Variants in EPB41L5 observed in about 807,000 individuals in gnomAD.
The protein encoded by EPB41L5 is band 4.1-like protein 5.
Under a neutral mutation model 106.6 loss-of-function variants are expected in EPB41L5, and 55 were observed. That is an observed-to-expected ratio of 0.52 (90% confidence interval 0.42 to 0.65). The LOEUF (loss-of-function observed/expected upper bound fraction) is 0.65. Among genes scored for constraint, EPB41L5 ranks in the 30% least tolerant of loss-of-function variants. The pLI is 0.00. For missense variants in EPB41L5, 871 were observed against 882.1 expected, an observed-to-expected ratio of 0.99 and a Z score of 0.16; for synonymous variants, 297 against 306.7, an observed-to-expected ratio of 0.97 and a Z score of 0.33.
At chr2:120,017,428 T>G (rs1677597478) in intron 1 of EPB41L5, among the ~76,000 whole-genome samples, 1 of 152,246 alleles carries the variant, frequency 6.6e-6, no homozygotes, top group African/African-American at 2.4e-5. Context: ...CTGCACAGCT[T>G]CTTGTTTTCT....
intron 18 of EPB41L5, among the ~76,000 whole-genome samples, chr2:120,141,585 C>T (rs1558902277): frequency 6.6e-6 from 1 of 151,978 alleles, no homozygotes; most frequent in Admixed American, 6.6e-5. Context: ...TCAAAGGGTT[C>T]AAAAGGGGAG....
At chr2:120,106,752 G>A (rs1395117219) in intron 16 of EPB41L5, 8 of 985,224 alleles carry the variant, frequency 8.1e-6, no homozygotes, top group Admixed American at 6.2e-5. Flanking sequence ...ACACTTTCAC[G>A]CATGAACATA....
intron 16 of EPB41L5, 74 bp downstream of exon 16, chr2:120,100,888 A>C (rs970466355): frequency 7.9e-6 from 8 of 1,014,936 alleles, no homozygotes; most frequent in Admixed American, 6.9e-5. Flanking sequence ...CATAATCTTA[A>C]AGTACTTTAA....
At chr2:120,098,006 T>C (rs1374511766) in intron 14 of EPB41L5, among the ~76,000 whole-genome samples, 1 of 152,118 alleles carries the variant, frequency 6.6e-6, no homozygotes, top group African/African-American at 2.4e-5. Context: ...AGGTCTAACT[T>C]CTGTACCAAG....
intron 3 of EPB41L5, among the ~76,000 whole-genome samples, chr2:120,066,554 A>G (rs1681455872): frequency 6.6e-6 from 1 of 152,182 alleles, no homozygotes; most frequent in Non-Finnish European, 1.5e-5. Context: ...ATTTTCTTTG[A>G]TGAAATTTCT....
At chr2:120,145,766 T>C (rs1686372835) in intron 19 of EPB41L5, among the ~76,000 whole-genome samples, 1 of 152,114 alleles carries the variant, frequency 6.6e-6, no homozygotes, top group Non-Finnish European at 1.5e-5. Flanking sequence ...ACCTACATGG[T>C]GAAACCATGT....
intron 2 of EPB41L5, among the ~76,000 whole-genome samples, chr2:120,032,710 C>T (rs1212394403): frequency 2.0e-5 from 3 of 152,062 alleles, no homozygotes; most frequent in Admixed American, 6.5e-5. Flanking sequence ...TTTCCAGGCC[C>T]GGTTTTGAAT....
At chr2:120,041,868 A>T (rs1679427542) in intron 2 of EPB41L5, 138 bp from the exon 3 acceptor site, 1 of 526,810 alleles carries the variant, frequency 1.9e-6, no homozygotes. Context: ...CTTATGCATT[A>T]TCTGCCACAT....
At chr2:120,033,092 G>A (rs1173173704) in intron 2 of EPB41L5, among the ~76,000 whole-genome samples, 1 of 152,130 alleles carries the variant, frequency 6.6e-6, no homozygotes, top group Non-Finnish European at 1.5e-5. Flanking sequence ...GTTGATACTA[G>A]CAGGTTGATA....
chr2:120,071,973 A>G (rs1000546405), intron 3 of EPB41L5, among the ~76,000 whole-genome samples: 1 of 152,194 alleles, frequency 6.6e-6, no homozygotes, highest in Non-Finnish European at 1.5e-5. Context: ...AAAAGAAACT[A>G]TCATCAGAGC....
intron 16 of EPB41L5, among the ~76,000 whole-genome samples, chr2:120,103,031 TG>T (rs1368446175): frequency 6.6e-6 from 1 of 152,218 alleles, no homozygotes; most frequent in Non-Finnish European, 1.5e-5. Context: ...AAGATGATTT[TG>T]TTATTAAAAA....
chr2:120,155,400 G>A (rs1298436524), intron 20 of EPB41L5, among the ~76,000 whole-genome samples: 1 of 152,186 alleles, frequency 6.6e-6, no homozygotes, highest in Non-Finnish European at 1.5e-5. Flanking sequence ...TGTACATGAT[G>A]AGTCGTTTCT....
At chr2:120,167,332 C>A in intron 22 of EPB41L5, 134 bp from the exon 23 acceptor site, 1 of 698,792 alleles carries the variant, frequency 1.4e-6, no homozygotes, top group Admixed American at 2.5e-5. Context: ...TCCATGTCAG[C>A]TCAAGGAACA....
chr2:120,142,898 A>G (rs888877453), intron 18 of EPB41L5, 105 bp from the exon 19 acceptor site: 39 of 1,014,420 alleles, frequency 3.8e-5, no homozygotes, highest in Admixed American at 2.2e-4. Context: ...CTTAAGACAC[A>G]TGATTTCCTG....
intron 16 of EPB41L5, chr2:120,105,389 G>A (rs984790968): frequency 2.0e-6 from 2 of 980,236 alleles, no homozygotes; most frequent in Non-Finnish European, 2.4e-6. Context: ...ATTATAAACA[G>A]CTTAACTCAT....
chr2:120,084,329 A>G (rs948090567), intron 10 of EPB41L5, among the ~76,000 whole-genome samples: 1 of 152,156 alleles, frequency 6.6e-6, no homozygotes, highest in South Asian at 2.1e-4. Context: ...CGTGGTGACA[A>G]AATCTCTCAG....
At chr2:120,172,206 G>T (rs1369974776) in intron 24 of EPB41L5, among the ~76,000 whole-genome samples, 4 of 152,132 alleles carry the variant, frequency 2.6e-5, no homozygotes, top group Non-Finnish European at 4.4e-5. Context: ...GATCTAGAAA[G>T]ATTACAGTCA....
intron 3 of EPB41L5, among the ~76,000 whole-genome samples, chr2:120,072,715 G>T (rs910980625): frequency 1.3e-5 from 2 of 152,162 alleles, no homozygotes; most frequent in Admixed American, 6.5e-5. Flanking sequence ...TTCCTCATAA[G>T]TGGGAGTTGA....
Position 120,064,814 on chromosome 2 carries a change from A to G in EPB41L5, c.286-8364A>G, listed in dbSNP as rs188454912. On this transcript the variant is annotated intron_variant, in intron 3 of 24. Transcript: ENST00000263713. ...AAGACCCTGATTCAAGGAAAACACT[A>G]TCAGTGCCTGTCTCTGAGGCCTGAA... Among the ~76,000 whole-genome samples the G allele has an allele frequency of 1.2e-4, 19 of 152,334 alleles. No individual in the cohort carries two copies. The South Asian group carries it at 2.9e-3, about 23-fold the overall frequency.
Sources: gnomAD v4.1 joint callset for allele counts (sites outside exome capture counted in the v4.1 genomes callset) on GRCh38, gnomAD v4.1.1 for gene constraint, MANE v1.5 for transcripts, NCBI Gene and HGNC (gene_info 2026-07-23, HGNC 2026-07-21) for gene names.